The following POU6F2 variants were observed in gnomAD, a reference collection of about 807,000 sequenced individuals.
The protein encoded by POU6F2 is POU domain, class 6, transcription factor 2.
Under a neutral mutation model 71.3 loss-of-function variants are expected in POU6F2, and 31 were observed. That is an observed-to-expected ratio of 0.43 (90% CI 0.33 to 0.59). The LOEUF is 0.59. Among genes scored for constraint, POU6F2 ranks in the 20% least tolerant of loss-of-function variants. The pLI is 0.04. For synonymous variants in POU6F2, 347 were observed against 355.7 expected, an observed-to-expected ratio of 0.98 and a Z score of 0.27; for missense variants, 783 against 856.8, an observed-to-expected ratio of 0.91 and a Z score of 1.07.
At chr7:39,228,825 A>G (rs1001551622) in intron 4 of POU6F2, among the ~76,000 whole-genome samples, 2 of 152,196 alleles carry the variant, frequency 1.3e-5, no homozygotes, top group Non-Finnish European at 2.9e-5. Flanking sequence ...TAATTACCTT[A>G]ATTAATAGCT....
chr7:39,215,551 C>T (rs1388370883), intron 4 of POU6F2, among the ~76,000 whole-genome samples: 6 of 152,082 alleles, frequency 3.9e-5, no homozygotes, highest in African/African-American at 1.4e-4. Flanking sequence ...ATTAAGGCAA[C>T]ATTTATTCAT....
intron 2 of POU6F2, among the ~76,000 whole-genome samples, chr7:39,194,494 T>A (rs2128743791): frequency 6.6e-6 from 1 of 152,286 alleles, no homozygotes; most frequent in Admixed American, 6.5e-5. Context: ...TAAAGGTTTG[T>A]AAACACACCA....
chr7:38,988,690 A>G (rs1213497142), intron 1 of POU6F2, among the ~76,000 whole-genome samples: 8 of 152,134 alleles, frequency 5.3e-5, no homozygotes, highest in African/African-American at 1.9e-4. Context: ...TCTGTAAGGT[A>G]GGTACTGTTG....
chr7:39,165,336 A>G (rs935205472), intron 2 of POU6F2, among the ~76,000 whole-genome samples: 1 of 152,190 alleles, frequency 6.6e-6, no homozygotes, highest in Admixed American at 6.5e-5. Context: ...TATTTCCACT[A>G]AAATTTGAAA....
chr7:39,021,647 C>T (rs956670813), intron 1 of POU6F2, among the ~76,000 whole-genome samples: 2 of 151,966 alleles, frequency 1.3e-5, no homozygotes, highest in Admixed American at 1.3e-4. Context: ...ATGTTTACTA[C>T]AAATTCCCTC....
chr7:39,037,844 C>T (rs980686177), intron 1 of POU6F2, among the ~76,000 whole-genome samples: 2 of 152,054 alleles, frequency 1.3e-5, no homozygotes, highest in African/African-American at 4.8e-5. Context: ...GGATACCTTT[C>T]TAGTTTTCTG....
intron 6 of POU6F2, among the ~76,000 whole-genome samples, chr7:39,411,204 C>T (rs1244098730): frequency 6.6e-6 from 1 of 152,054 alleles, no homozygotes; most frequent in Non-Finnish European, 1.5e-5. Context: ...GATAGTTCGG[C>T]AGGGAGGAGG....
chr7:39,438,135 C>T (rs1291449894), intron 7 of POU6F2, among the ~76,000 whole-genome samples: 1 of 152,130 alleles, frequency 6.6e-6, no homozygotes, highest in Non-Finnish European at 1.5e-5. Flanking sequence ...GTGATGTTCC[C>T]CTTCCTGTGT....
intron 4 of POU6F2, among the ~76,000 whole-genome samples, chr7:39,257,069 T>G (rs1011929049): frequency 3.9e-5 from 6 of 152,192 alleles, no homozygotes; most frequent in African/African-American, 1.4e-4. Flanking sequence ...GGAACTCCCG[T>G]CAACCCTCTC....
chr7:39,010,246 TC>T (rs199522889), intron 1 of POU6F2, among the ~76,000 whole-genome samples: 35,345 of 144,914 alleles, frequency 0.24, 4,211 homozygotes, highest in South Asian at 0.4. Flanking sequence ...CCTGGTTTAG[TC>T]TTGGGAGGGT....
At chr7:39,358,873 TA>T (rs10626884) in intron 5 of POU6F2, among the ~76,000 whole-genome samples, 4,818 of 134,352 alleles carry the variant, frequency 0.036, 76 homozygotes, top group Non-Finnish European at 0.042. Flanking sequence ...CTTCTGTATT[TA>T]AAAAAAAAAA....
At chr7:39,248,632 G>A (rs1399257504) in intron 4 of POU6F2, among the ~76,000 whole-genome samples, 1 of 152,198 alleles carries the variant, frequency 6.6e-6, no homozygotes, top group Non-Finnish European at 1.5e-5. Flanking sequence ...CCCACAGTAT[G>A]TGCCACATCC....
At chr7:39,041,885 A>G (rs1016160586) in intron 1 of POU6F2, among the ~76,000 whole-genome samples, 1 of 151,940 alleles carries the variant, frequency 6.6e-6, no homozygotes, top group African/African-American at 2.4e-5. Context: ...TATTGAAATG[A>G]TCTCATCTAC....
At chr7:39,387,634 A>G (rs1340053915) in intron 5 of POU6F2, among the ~76,000 whole-genome samples, 2 of 152,260 alleles carry the variant, frequency 1.3e-5, no homozygotes, top group Non-Finnish European at 2.9e-5. Flanking sequence ...CAGAACTGAT[A>G]TAATCATCCA....
At chr7:39,217,308 T>C (rs917510817) in intron 4 of POU6F2, among the ~76,000 whole-genome samples, 2 of 151,444 alleles carry the variant, frequency 1.3e-5, no homozygotes, top group African/African-American at 4.8e-5. Context: ...ATTTTGTTGA[T>C]CGAAGGAGAA....
chr7:39,387,036 C>T (rs994010242), intron 5 of POU6F2, among the ~76,000 whole-genome samples: 1 of 152,346 alleles, frequency 6.6e-6, no homozygotes, highest in Middle Eastern at 3.4e-3. Flanking sequence ...TGCCCAGGGC[C>T]ATTGCAGCAG....
At chr7:39,044,947 T>C (rs1185358550) in intron 1 of POU6F2, among the ~76,000 whole-genome samples, 1 of 151,910 alleles carries the variant, frequency 6.6e-6, no homozygotes, top group African/African-American at 2.4e-5. Context: ...TCCAGGGGCA[T>C]GGTTTGGTCC....
chr7:39,036,167 A>T (rs1314778417), intron 1 of POU6F2, among the ~76,000 whole-genome samples: 1 of 152,084 alleles, frequency 6.6e-6, no homozygotes, highest in Non-Finnish European at 1.5e-5. Flanking sequence ...TAGGGCCCAG[A>T]TGTAGCACTT....
At chr7:39,107,681 C>T (rs1791719478) in intron 2 of POU6F2, among the ~76,000 whole-genome samples, 1 of 152,002 alleles carries the variant, frequency 6.6e-6, no homozygotes, top group Admixed American at 6.6e-5. Context: ...GAACCACCCC[C>T]CGCCCCCTAC....
Sources: allele counts gnomAD v4.1 joint callset (sites outside exome capture counted in the v4.1 genomes callset), GRCh38; gene constraint gnomAD v4.1.1; transcripts MANE v1.5; gene names NCBI Gene and HGNC (gene_info 2026-07-23, HGNC 2026-07-21).